KRT37: variants seen among roughly 807,000 people sequenced by gnomAD.
KRT37 encodes the protein keratin, type I cuticular Ha7.
Under a neutral mutation model 41.9 loss-of-function variants are expected in KRT37, and 38 were observed. That is an observed-to-expected ratio of 0.91 (90% confidence interval 0.70 to 1.19). KRT37 has a LOEUF of 1.19. Ranked by LOEUF, KRT37 falls within the 50% of genes most tolerant of loss-of-function variation. The pLI is 0.00. For missense variants in KRT37, 580 were observed against 575.5 expected (o/e 1.01, Z -0.08); for synonymous variants, 252 against 243.4 (o/e 1.04, Z -0.33).
In KRT37 at chr17:41,424,080, G is replaced by A; in HGVS notation, c.444C>T (p.Cys148=). The change falls in exon 1 of 7, where the codon TGC becomes TGT. Residue 148 remains cysteine (C), a synonymous_variant. Coordinates refer to ENST00000225550, the MANE Select transcript of KRT37 (RefSeq NM_003770.5). ...TACGGAAGTAGGACTGGTAGTCGGG[G>A]CACACGGTGGACTCGTGGCACTTGC... ...ERSKCHESTV[C]PDYQSYFRTI... The A allele has an allele frequency of 6.2e-7, 1 of 1,614,234 alleles. No individual in the cohort carries two copies. Among genetic ancestry groups the A allele is most frequent in the South Asian group, 1.1e-5 (1 of 91,080 alleles).
Position 41,424,308 on chromosome 17 carries a change from G to T in KRT37, c.216C>A (p.Thr72=). 6.2e-7 allele frequency: 1 copy of T among 1,614,064 alleles called. No individual in the cohort carries two copies. The highest frequency in any genetic ancestry group is 2.2e-5 in the East Asian group (1 of 44,858). ...CTGGCAAGGGACAAGCAGTGTGACT[G>T]GTTGGGGGCAGACAGAGGCTGGGGC... ...LGRPSLCLPP[T]SHTACPLPGT... The change falls in exon 1 of 7, where the codon ACC becomes ACA. Residue 72 remains threonine (T), a synonymous_variant. Coordinates refer to ENST00000225550, the MANE Select transcript of KRT37 (RefSeq NM_003770.5).
intron 5 of KRT37, 140 bp from the exon 6 acceptor site, chr17:41,421,727 C>T: frequency 1.2e-6 from 1 of 812,128 alleles, no homozygotes; most frequent in Non-Finnish European, 1.9e-6. Context: ...TCACTGTCAA[C>T]ATGACCATGA....
In KRT37 at chr17:41,421,473, C is replaced by T; in HGVS notation, c.1135G>A (p.Asp379Asn). The change falls in exon 6 of 7, where the codon GAC becomes AAC. Residue 379 changes from aspartate to asparagine, a missense_variant. Physicochemically the swap from Asp to Asn is conservative, Grantham distance 23. Coordinates refer to ENST00000225550, the MANE Select transcript of KRT37 (RefSeq NM_003770.5). ...TACTCCTGGTTCTGCCGCTCCAGGT[C>T]GGCCCGGATCTCAGACAACTGCTCT... ...LEEQLSEIRA[D>N]LERQNQEYQV... The T allele has an allele frequency of 5.6e-6, 9 of 1,614,222 alleles. No homozygotes were observed. The highest frequency in any genetic ancestry group is 2.2e-5 in the East Asian group (1 of 44,884).
Position 41,424,534 on chromosome 17 carries a change from T to C in KRT37, c.-11A>G, listed in dbSNP as rs1047652506. The C allele has an allele frequency of 5.1e-6, 8 of 1,554,470 alleles. No individual in the cohort carries two copies. Among genetic ancestry groups the C allele is most frequent in the Non-Finnish European group, 6.1e-6 (7 of 1,147,132 alleles). On this transcript the variant is annotated 5_prime_UTR_variant, in exon 1 of 7. Coordinates refer to ENST00000225550, the MANE Select transcript of KRT37 (RefSeq NM_003770.5). ...GTAGAAGGAGGTCATGGTGTAGGGC[T>C]GAGGCTGCACAGGAGCTTCAGATCA...
chr17:41,421,594 T>C lies in KRT37; in HGVS notation c.1021-7A>G, dbSNP rs769215685. On this transcript the variant is annotated splice_region_variant and splice_polypyrimidine_tract_variant and intron_variant, in intron 5 of 6. Coordinates refer to ENST00000225550, the MANE Select transcript of KRT37 (RefSeq NM_003770.5). ...AGTTCTGCAGACAGTCCTTCTGTAA[T>C]GGGAAATAATGGGGTAAGAGATCCA... 6.2e-7 allele frequency: 1 copy of C among 1,612,296 alleles called. No homozygotes were observed. Among genetic ancestry groups the C allele is most frequent in the East Asian group, 2.2e-5 (1 of 44,844 alleles).
intron 3 of KRT37, 80 bp from the exon 4 acceptor site, chr17:41,422,514 G>A: frequency 6.4e-7 from 1 of 1,555,450 alleles, no homozygotes; most frequent in Non-Finnish European, 8.8e-7. Flanking sequence ...CTCCGTCCCT[G>A]GCAAGCAGTA....
At chr17:41,422,970 C>A in intron 2 of KRT37, 36 bp from the exon 3 acceptor site, 1 of 1,588,464 alleles carries the variant, frequency 6.3e-7, no homozygotes, top group Admixed American at 1.7e-5. Flanking sequence ...AAAAAGAATG[C>A]CCCAATAGCC....
At chr17:41,421,670 G>A in intron 5 of KRT37, 83 bp from the exon 6 acceptor site, 1 of 1,307,928 alleles carries the variant, frequency 7.6e-7, no homozygotes. Flanking sequence ...ATCACACATA[G>A]GGCAAATTCC....
Position 41,424,431 on chromosome 17 carries a change from C to T in KRT37, c.93G>A (p.Gly31=). 6.2e-7 allele frequency: 1 copy of T among 1,612,018 alleles called. No individual in the cohort carries two copies. The highest frequency in any genetic ancestry group is 8.5e-7 in the Non-Finnish European group (1 of 1,178,438). Residue 31 remains glycine, a synonymous_variant, in exon 1 of 7, where the codon GGG becomes GGA. Coordinates refer to ENST00000225550, the MANE Select transcript of KRT37 (RefSeq NM_003770.5). ...RNVFVSPIDV[G]CQPVAEANAA... Reference sequence around the variant, plus strand: ...CATTGGCCTCTGCCACAGGCTGGCACCCAACATCGATAGGAGAGACAAAGA... The same window carrying T: ...CATTGGCCTCTGCCACAGGCTGGCATCCAACATCGATAGGAGAGACAAAGA...
chr17:41,424,351 C>A lies in KRT37; in HGVS notation c.173G>T (p.Gly58Val), dbSNP rs150111043. ...GCTGGGGCGGCCCAGGGGAGTCGACCCCACACGGACTCTGTTGGCGTGTGC... is the reference window on the plus strand; with the variant it reads ...GCTGGGGCGGCCCAGGGGAGTCGACACCACACGGACTCTGTTGGCGTGTGC... ...NVAHANRVRVGSTPLGRPSLC... is the reference protein window; with the variant it reads ...NVAHANRVRVVSTPLGRPSLC... Residue 58 changes from glycine to valine, a missense_variant, in exon 1 of 7, where the codon GGG becomes GTG. Physicochemically the swap from Gly to Val is moderately radical, Grantham distance 109. Transcript: ENST00000225550. The A allele has an allele frequency of 6.2e-7, 1 of 1,614,084 alleles. No homozygotes were observed. The highest frequency in any genetic ancestry group is 1.7e-5 in the Admixed American group (1 of 60,024).
intron 3 of KRT37, 144 bp from the exon 4 acceptor site, chr17:41,422,578 G>C: frequency 1.5e-6 from 2 of 1,334,502 alleles, no homozygotes; most frequent in Non-Finnish European, 2.1e-6. Context: ...GAGTGCATTT[G>C]GGAGAGCCCA....
intron 2 of KRT37, chr17:41,423,343 C>T (rs543093248): frequency 1.3e-5 from 3 of 238,810 alleles, no homozygotes; most frequent in Admixed American, 5.3e-5. Flanking sequence ...TGCTTTTCCC[C>T]TTCATTCAAG....
chr17:41,421,346 A>G, intron 6 of KRT37, 21 bp downstream of exon 6: 1 of 1,612,130 alleles, frequency 6.2e-7, no homozygotes, highest in Non-Finnish European at 8.5e-7. Context: ...GTGGCTTAGG[A>G]ATTGCCCAGA....
chr17:41,424,268 G>C lies in KRT37; in HGVS notation c.256C>G (p.Pro86Ala). 6.2e-7 allele frequency: 1 copy of C among 1,614,220 alleles called. No homozygotes were observed. Among genetic ancestry groups the C allele is most frequent in the South Asian group, 1.1e-5 (1 of 91,090 alleles). Residue 86 changes from proline to alanine, a missense_variant, in exon 1 of 7, where the codon CCC becomes GCC. Coordinates refer to ENST00000225550, the MANE Select transcript of KRT37 (RefSeq NM_003770.5). ...ACPLPGTCHI[P>A]GNIGICGAYG... ...GCCCCACAGATTCCGATGTTGCCGGGAATGTGACAGGTCCCTGGCAAGGGA... is the reference window on the plus strand; with the variant it reads ...GCCCCACAGATTCCGATGTTGCCGGCAATGTGACAGGTCCCTGGCAAGGGA...
Position 41,422,414 on chromosome 17 carries a change from A to T in KRT37, c.753T>A (p.Ser251Arg). 1 of 1,613,756 alleles carries T rather than the reference A, an allele frequency of 6.2e-7. No individual in the cohort carries two copies. The highest frequency in any genetic ancestry group is 1.1e-5 in the South Asian group (1 of 91,052). Reference protein sequence around the residue: ...NHEQEVKILRSQLGEKFRIEL... With the variant: ...NHEQEVKILRRQLGEKFRIEL... ...CGATCCGGAACTTCTCCCCCAGCTGACTCCTCAGAATCTTTACTTCCTGCA... is the reference window on the plus strand; with the variant it reads ...CGATCCGGAACTTCTCCCCCAGCTGTCTCCTCAGAATCTTTACTTCCTGCA... Residue 251 changes from serine (S) to arginine (R), a missense_variant, in exon 4 of 7, where the codon AGT becomes AGA. Ser to Arg is a moderately radical substitution (Grantham distance 110). Transcript: ENST00000225550.
intron 2 of KRT37, 124 bp downstream of exon 2, chr17:41,423,638 G>A: frequency 1.3e-6 from 1 of 758,764 alleles, no homozygotes; most frequent in Non-Finnish European, 2.2e-6. Context: ...TTAAGGTGTG[G>A]AGAGAAATAT....
chr17:41,422,278 C>T lies in KRT37; in HGVS notation c.889G>A (p.Ala297Thr), dbSNP rs765702591. The change falls in exon 4 of 7, where the codon GCC (alanine) becomes ACC (threonine). Residue 297 changes from alanine (A) to threonine (T), a missense_variant. Physicochemically the swap from Ala to Thr is moderately conservative, Grantham distance 58. Transcript: ENST00000225550. ...GCTCTGTAACCCCCACTCACCTGGG[C>T]TTGGAACCACTGTTCCACATCCTGG... ...NHQDVEQWFQ[A>T]QSEGISLQAM... The T allele has an allele frequency of 1.2e-6, 2 of 1,614,054 alleles. No homozygotes were observed. Among genetic ancestry groups the T allele is most frequent in the Non-Finnish European group, 1.7e-6 (2 of 1,179,962 alleles).
intron 4 of KRT37, 28 bp from the exon 5 acceptor site, chr17:41,422,222 C>A: frequency 1.2e-6 from 2 of 1,614,018 alleles, no homozygotes; most frequent in Non-Finnish European, 1.7e-6. Context: ...ACAGTCACCT[C>A]CCTGCTCAGA....
chr17:41,420,668 C>T lies in KRT37; in HGVS notation c.*210G>A, dbSNP rs2018526907. The T allele has an allele frequency of 1.3e-5, 6 of 448,086 alleles. No individual in the cohort carries two copies. The highest frequency in any genetic ancestry group is 1.1e-4 in the Admixed American group (3 of 26,246). 27.8% of individuals were successfully genotyped at this position (448,086 alleles called of 1,614,324 possible). The stretch of plus-strand genomic sequence containing the variant: ...GAAGAGACACCAGGAAAAATAATTG[C>T]TTTCATGGAAGATAATTACAACATT... On this transcript the variant is annotated 3_prime_UTR_variant, in exon 7 of 7. Transcript: ENST00000225550.
Sources: allele counts gnomAD v4.1 joint callset, GRCh38; gene constraint gnomAD v4.1.1; transcripts MANE v1.5; gene names NCBI Gene and HGNC (gene_info 2026-07-23, HGNC 2026-07-21).